The following TBL1X variants were observed in gnomAD, a reference collection of about 807,000 sequenced individuals.
The protein encoded by TBL1X is F-box-like/WD repeat-containing protein TBL1X.
Under a neutral mutation model 50.7 loss-of-function variants are expected in TBL1X, and 10 were observed. That is an observed-to-expected ratio of 0.20 (90% CI 0.12 to 0.33). The LOEUF (loss-of-function observed/expected upper bound fraction) is 0.33. Among genes scored for constraint, TBL1X ranks in the 10% least tolerant of loss-of-function variants. The pLI, the probability that TBL1X is intolerant of heterozygous loss-of-function variation, is 1.00. For synonymous variants in TBL1X, 190 were observed against 214.7 expected (o/e 0.88, Z 1.01); for missense variants, 340 against 504.4 (o/e 0.67, Z 3.12).
At chrX:9,672,804 C>T (rs1309858516) in intron 5 of TBL1X, among the ~76,000 whole-genome samples, 1 of 112,652 alleles carries the variant, frequency 8.9e-6, no homozygotes, top group Non-Finnish European at 1.9e-5. Context: ...ACAGTCTGTC[C>T]ACTTCAAAGA....
At position 9,587,085 on chromosome X, in the gene TBL1X, G is replaced by A. The variant is rs184173796; in HGVS notation, c.-130-53188G>A. Among the ~76,000 whole-genome samples, 4 of 111,858 alleles carry A rather than the reference G, an allele frequency of 3.6e-5. No individual in the cohort carries two copies. In the East Asian group the frequency reaches 1.1e-3, roughly 32 times the overall value. ...ATTTCCGCCCTTGGAGTGAGCCAGG[G>A]CAGCTTAGAGGGCTACCCGCGTGCA... On this transcript the variant is annotated intron_variant, in intron 2 of 17. Coordinates refer to ENST00000645353, the MANE Select transcript of TBL1X (RefSeq NM_005647.4).
intron 5 of TBL1X, among the ~76,000 whole-genome samples, chrX:9,670,279 T>G (rs982424069): frequency 1.8e-5 from 2 of 110,919 alleles, no homozygotes; most frequent in African/African-American, 6.6e-5. Flanking sequence ...ACCGGTCCTG[T>G]GGCCCCCCCT....
At chrX:9,580,929 G>A (rs12688211) in intron 2 of TBL1X, among the ~76,000 whole-genome samples, 40 of 111,378 alleles carry the variant, frequency 3.6e-4, no homozygotes, top group South Asian at 7.6e-4. Context: ...GATGATGTTC[G>A]TGCTGGAGGG....
chrX:9,609,339 GTGTGT>G (rs2082601021), intron 2 of TBL1X, among the ~76,000 whole-genome samples: 6 of 99,912 alleles, frequency 6.0e-5, no homozygotes, highest in South Asian at 4.9e-4. Context: ...TCTTCCAGGT[GTGTGT>G]GTGTGTGTGT....
chrX:9,594,236 G>C (rs967449993), intron 2 of TBL1X, among the ~76,000 whole-genome samples: 2 of 112,779 alleles, frequency 1.8e-5, no homozygotes, highest in Non-Finnish European at 3.7e-5. Flanking sequence ...AGATTAACTT[G>C]TGTGAAATTC....
chrX:9,686,600 A>G (rs1286051475), intron 6 of TBL1X, among the ~76,000 whole-genome samples: 1 of 112,593 alleles, frequency 8.9e-6, no homozygotes, highest in Non-Finnish European at 1.9e-5. Flanking sequence ...TCGGAGGCTA[A>G]GGCAGGAAGA....
chrX:9,467,172 T>G (rs142405891), intron 1 of TBL1X, among the ~76,000 whole-genome samples: 1,531 of 112,542 alleles, frequency 0.014, 9 homozygotes, highest in Middle Eastern at 0.023. Flanking sequence ...AACATCATCT[T>G]AGTTAGAAGA....
intron 2 of TBL1X, among the ~76,000 whole-genome samples, chrX:9,628,813 G>T (rs930669586): frequency 1.8e-5 from 2 of 112,268 alleles, no homozygotes; most frequent in Non-Finnish European, 3.8e-5. Context: ...CTCCCAAAGT[G>T]CTGGGATTAC....
chrX:9,590,936 C>T (rs2082496632), intron 2 of TBL1X, among the ~76,000 whole-genome samples: 2 of 99,736 alleles, frequency 2.0e-5, no homozygotes, highest in African/African-American at 7.7e-5. Flanking sequence ...GGGGCTGTGC[C>T]TTTCTCAGAG....
chrX:9,691,993 G>A (rs2083100860), intron 8 of TBL1X, 120 bp from the exon 9 acceptor site: 2 of 1,093,902 alleles, frequency 1.8e-6, no homozygotes, highest in Admixed American at 2.6e-5. Flanking sequence ...GGGATCCAGA[G>A]GGATGAAAAA....
At chrX:9,566,486 G>A (rs771753396) in intron 2 of TBL1X, among the ~76,000 whole-genome samples, 1 of 111,926 alleles carries the variant, frequency 8.9e-6, no homozygotes, top group Non-Finnish European at 1.9e-5. Context: ...TGGAACACCC[G>A]CAATGCTCAT....
At chrX:9,498,007 CA>C (rs1211700772) in intron 1 of TBL1X, among the ~76,000 whole-genome samples, 9 of 107,938 alleles carry the variant, frequency 8.3e-5, no homozygotes, top group Non-Finnish European at 1.5e-4. Context: ...GCTGGGATTA[CA>C]AGCATGCATG....
At chrX:9,468,519 G>A (rs1233664916) in intron 1 of TBL1X, among the ~76,000 whole-genome samples, 3 of 111,328 alleles carry the variant, frequency 2.7e-5, no homozygotes, top group African/African-American at 6.6e-5. Flanking sequence ...GTCCTGCTGC[G>A]GGACCTTGGC....
chrX:9,698,391 C>G (rs897729544), intron 12 of TBL1X, among the ~76,000 whole-genome samples: 6 of 111,765 alleles, frequency 5.4e-5, no homozygotes, highest in Non-Finnish European at 9.4e-5. Flanking sequence ...TCTAACAGCA[C>G]AAGAATTTAG....
At chrX:9,503,328 C>T (rs1322272542) in intron 2 of TBL1X, among the ~76,000 whole-genome samples, 4 of 112,994 alleles carry the variant, frequency 3.5e-5, no homozygotes, top group Admixed American at 9.3e-5. Context: ...CACTCGTGAA[C>T]CCACGCCACC....
intron 1 of TBL1X, among the ~76,000 whole-genome samples, chrX:9,467,220 A>G (rs986579529): frequency 1.8e-5 from 2 of 111,660 alleles, no homozygotes; most frequent in Non-Finnish European, 3.8e-5. Context: ...CAGAGGCGGG[A>G]AAATGGTCCC....
chrX:9,556,796 T>TTTTTTG (rs939412590), intron 2 of TBL1X, among the ~76,000 whole-genome samples: 1 of 108,856 alleles, frequency 9.2e-6, no homozygotes, highest in Non-Finnish European at 1.9e-5. Flanking sequence ...TTGTTTTGTG[T>TTTTTTG]TTTTTGTTTT....
At chrX:9,521,851 A>C (rs1199050486) in intron 2 of TBL1X, among the ~76,000 whole-genome samples, 3 of 111,821 alleles carry the variant, frequency 2.7e-5, no homozygotes, top group Non-Finnish European at 5.6e-5. Flanking sequence ...TTAATTGGTT[A>C]AGTCAGAGCA....
chrX:9,528,068 A>G (rs1285165979), intron 2 of TBL1X, among the ~76,000 whole-genome samples: 1 of 110,952 alleles, frequency 9.0e-6, no homozygotes, highest in Non-Finnish European at 1.9e-5. Flanking sequence ...TACAGGTGGG[A>G]GCCACCGTGC....
Sources: allele counts gnomAD v4.1 joint callset (sites outside exome capture counted in the v4.1 genomes callset), GRCh38; gene constraint gnomAD v4.1.1; transcripts MANE v1.5; gene names NCBI Gene and HGNC (gene_info 2026-07-23, HGNC 2026-07-21).